ARMC2: variants seen among roughly 807,000 people sequenced by gnomAD.
ARMC2 encodes the protein armadillo repeat containing 2.
ARMC2 carries 67 observed loss-of-function variants against 90.3 expected under a neutral mutation model. The ratio of observed to expected loss-of-function variants is 0.74; its 90% CI spans 0.61 to 0.91. The LOEUF is 0.91. Among genes scored for constraint, ARMC2 ranks in the 40% least tolerant of loss-of-function variants. The pLI, the probability that ARMC2 is intolerant of heterozygous loss-of-function variation, is 0.00. For missense variants in ARMC2, 920 were observed against 1,030.9 expected (o/e 0.89, Z 1.47); for synonymous variants, 393 against 393.0 (o/e 1.00, Z 0.00).
At chr6:109,019,531 A>G in the ARMC2 span, among the ~76,000 whole-genome samples, 1 of 152,238 alleles carries the variant, frequency 6.6e-6, no homozygotes, top group African/African-American at 2.4e-5. Context: ...GGTCTAGTCT[A>G]TAACCTAAAG....
rs1583181134 is a variant in ARMC2 at position 108,942,583 on chromosome 6, C to T, written c.1596+5584C>T. Reference sequence around the variant, plus strand: ...TCAGCCTTCCAGCAACTTATTTAAACAGAATTATTACTTCCTATAATTATT... The same window carrying T: ...TCAGCCTTCCAGCAACTTATTTAAATAGAATTATTACTTCCTATAATTATT... On this transcript the variant is annotated intron_variant, in intron 12 of 17. Coordinates refer to ENST00000392644, the MANE Select transcript of ARMC2 (RefSeq NM_032131.6). Among the ~76,000 whole-genome samples the T allele has an allele frequency of 3.3e-5, 5 of 152,254 alleles. 1 individual carries two copies. The highest frequency in any genetic ancestry group is 3.3e-4 in the Admixed American group (5 of 15,300).
the ARMC2 span, among the ~76,000 whole-genome samples, chr6:109,017,151 C>T: frequency 6.6e-6 from 1 of 152,084 alleles, no homozygotes; most frequent in African/African-American, 2.4e-5. Context: ...GTTCCCACAG[C>T]TTTTTCTCTT....
At chr6:108,950,763 C>T (rs1777125808) in intron 12 of ARMC2, among the ~76,000 whole-genome samples, 1 of 152,100 alleles carries the variant, frequency 6.6e-6, no homozygotes, top group Admixed American at 6.5e-5. Context: ...CTCATGTACC[C>T]CTGAGCCTAA....
chr6:108,864,896 A>G (rs1172091277), intron 3 of ARMC2, among the ~76,000 whole-genome samples: 1 of 152,202 alleles, frequency 6.6e-6, no homozygotes, highest in Non-Finnish European at 1.5e-5. Flanking sequence ...CACCAGCCAG[A>G]ACAGACCTTA....
At chr6:108,999,527 C>G in the ARMC2 span, among the ~76,000 whole-genome samples, 1 of 152,090 alleles carries the variant, frequency 6.6e-6, no homozygotes, top group Non-Finnish European at 1.5e-5. Context: ...AGAACCAGAA[C>G]TAGCTTAACA....
intron 6 of ARMC2, among the ~76,000 whole-genome samples, chr6:108,896,271 T>G (rs1447829764): frequency 1.3e-5 from 2 of 152,188 alleles, no homozygotes; most frequent in Non-Finnish European, 2.9e-5. Flanking sequence ...TTCAAAAACA[T>G]GCTGAAATTT....
At chr6:108,886,029 G>T (rs574276160) in intron 5 of ARMC2, among the ~76,000 whole-genome samples, 121 of 152,238 alleles carry the variant, frequency 7.9e-4, no homozygotes, top group African/African-American at 2.7e-3. Flanking sequence ...TACCTGCCTT[G>T]ATCCTACACA....
chr6:108,974,946 A>G (rs1206851205), downstream of ARMC2, among the ~76,000 whole-genome samples: 7 of 151,922 alleles, frequency 4.6e-5, no homozygotes, highest in Non-Finnish European at 1.0e-4. Context: ...ATGGTTGCAC[A>G]TGCCTGTAAT....
chr6:108,868,970 G>C lies in ARMC2; in HGVS notation c.438G>C (p.Pro146=). The change falls in exon 4 of 18, where the codon CCG becomes CCC. Residue 146 remains proline (P), a synonymous_variant. Transcript: ENST00000392644. The part of the protein sequence containing the change: ...FRAASQRALL[P]DRSLPPSDSK... ...CTGCCTCCCAGCGGGCCCTTCTGCC[G>C]GACAGATCCCTTCCTCCCTCCGACT... is the stretch of plus-strand genomic sequence containing the variant. 1 of 1,613,178 alleles carries C rather than the reference G, an allele frequency of 6.2e-7. No individual in the cohort carries two copies. The highest frequency in any genetic ancestry group is 8.5e-7 in the Non-Finnish European group (1 of 1,179,548).
chr6:108,910,581 A>G (rs555712792), intron 8 of ARMC2, among the ~76,000 whole-genome samples: 3 of 152,348 alleles, frequency 2.0e-5, no homozygotes, highest in African/African-American at 7.2e-5. Context: ...TGCCAGGTAT[A>G]TACTCAGAAG....
intron 13 of ARMC2, among the ~76,000 whole-genome samples, chr6:108,955,716 C>T (rs761034898): frequency 3.5e-4 from 53 of 152,282 alleles, no homozygotes; most frequent in Middle Eastern, 3.4e-3. Flanking sequence ...CATTAAGCCA[C>T]GTGGAAGAAA....
rs535595839 is a variant in ARMC2, at chr6:108,850,685, A to G, written c.-44+2139A>G. On this transcript the variant is annotated intron_variant, in intron 1 of 17. Transcript: ENST00000392644. ...GTAACAAATATCTCCAGTTAGAGAA[A>G]CTATGCAGCCTTCATCTGAAAATGT... Among the ~76,000 whole-genome samples the G allele has an allele frequency of 4.2e-4, 64 of 152,366 alleles. 1 individual carries two copies. In the South Asian group the frequency reaches 0.013, roughly 32 times the overall value.
chr6:108,866,462 C>G (rs558847266), intron 3 of ARMC2, among the ~76,000 whole-genome samples: 1 of 152,356 alleles, frequency 6.6e-6, no homozygotes, highest in South Asian at 2.1e-4. Flanking sequence ...AAGCCTGCGT[C>G]AGAGGCTAGG....
intron 2 of ARMC2, among the ~76,000 whole-genome samples, chr6:108,855,878 G>T (rs74555403): frequency 0.012 from 1,796 of 152,208 alleles, 32 homozygotes; most frequent in African/African-American, 0.042. Flanking sequence ...GTCTGTTAAG[G>T]TCTGTGGCCC....
chr6:109,025,754 T>C, the ARMC2 span, among the ~76,000 whole-genome samples: 1 of 151,712 alleles, frequency 6.6e-6, no homozygotes, highest in Admixed American at 6.6e-5. Flanking sequence ...AGAAAGTAAA[T>C]CTGAAGAGTC....
intron 5 of ARMC2, among the ~76,000 whole-genome samples, chr6:108,893,304 AATATT>A (rs781719586): frequency 3.9e-5 from 6 of 152,170 alleles, no homozygotes; most frequent in Non-Finnish European, 8.8e-5. Flanking sequence ...ATTGTCAGAG[AATATT>A]AATTTAATTT....
chr6:108,955,010 A>G (rs968540437), intron 13 of ARMC2, among the ~76,000 whole-genome samples: 1 of 152,172 alleles, frequency 6.6e-6, no homozygotes, highest in African/African-American at 2.4e-5. Context: ...CATGTGCTGA[A>G]GAGAGCACAC....
the ARMC2 span, among the ~76,000 whole-genome samples, chr6:109,011,481 C>A: frequency 6.6e-6 from 1 of 152,120 alleles, no homozygotes; most frequent in Admixed American, 6.5e-5. Context: ...TAAAGACTGA[C>A]CTAAATTCCT....
At chr6:109,000,528 G>T in the ARMC2 span, 1 of 1,609,606 alleles carries the variant, frequency 6.2e-7, no homozygotes, top group East Asian at 2.2e-5. Context: ...AGGTCTATGG[G>T]CTAACACTTT....
Sources: gnomAD v4.1 joint callset for allele counts (sites outside exome capture counted in the v4.1 genomes callset) on GRCh38, gnomAD v4.1.1 for gene constraint, MANE v1.5 for transcripts, NCBI Gene and HGNC (gene_info 2026-07-23, HGNC 2026-07-21) for gene names.